The following CADM2 variants were observed in gnomAD, a reference collection of about 807,000 sequenced individuals.
CADM2 encodes the protein cell adhesion molecule 2, also known as immunoglobulin superfamily member 4D.
In CADM2, 12 loss-of-function variants were observed where a neutral mutation model predicts 49.8. The observed-to-expected ratio is 0.24, with a 90% CI of 0.15 to 0.39. CADM2 has a LOEUF of 0.39. CADM2 is among the 10% of genes least tolerant of loss of function. The pLI is 1.00. For synonymous variants in CADM2, 214 were observed against 175.4 expected (o/e 1.22, Z -1.74); for missense variants, 378 against 492.3 (o/e 0.77, Z 2.20).
intron 1 of CADM2, among the ~76,000 whole-genome samples, chr3:85,150,866 A>G (rs1041696317): frequency 6.6e-6 from 1 of 151,732 alleles, no homozygotes; most frequent in African/African-American, 2.4e-5. Flanking sequence ...CTGATATCGC[A>G]CCATTGCACT....
intron 1 of CADM2, among the ~76,000 whole-genome samples, chr3:85,397,994 C>CCTTTTT (rs551053167): frequency 1.0e-3 from 154 of 151,950 alleles, no homozygotes; most frequent in African/African-American, 3.5e-3. Context: ...CATCCAGAAG[C>CCTTTTT]CTTTTTCTTT....
chr3:85,444,506 C>T (rs1194963638), intron 1 of CADM2, among the ~76,000 whole-genome samples: 2 of 151,826 alleles, frequency 1.3e-5, no homozygotes, highest in Non-Finnish European at 2.9e-5. Context: ...GTTCTCTCCA[C>T]ATTTGGAATA....
At chr3:85,403,303 T>TA (rs2035209111) in intron 1 of CADM2, among the ~76,000 whole-genome samples, 1 of 152,074 alleles carries the variant, frequency 6.6e-6, no homozygotes, top group Admixed American at 6.6e-5. Context: ...CGAAATTGAG[T>TA]AAAAAAGTGC....
intron 1 of CADM2, among the ~76,000 whole-genome samples, chr3:85,575,804 A>G (rs2062616592): frequency 1.3e-5 from 2 of 152,186 alleles, no homozygotes; most frequent in Non-Finnish European, 2.9e-5. Context: ...TTACAGATAG[A>G]TTTTAAAAGA....
At chr3:85,502,715 T>A (rs1263758499) in intron 1 of CADM2, among the ~76,000 whole-genome samples, 1 of 152,244 alleles carries the variant, frequency 6.6e-6, no homozygotes, top group East Asian at 1.9e-4. Context: ...ACAAATGTAC[T>A]TGATCACTGT....
At chr3:85,641,684 T>C (rs2064719302) in intron 1 of CADM2, among the ~76,000 whole-genome samples, 1 of 151,598 alleles carries the variant, frequency 6.6e-6, no homozygotes, top group Admixed American at 6.6e-5. Context: ...CCCAGCACTT[T>C]GGGAGGCTGA....
chr3:85,782,362 A>G (rs1373914629), intron 2 of CADM2, among the ~76,000 whole-genome samples: 1 of 152,212 alleles, frequency 6.6e-6, no homozygotes, highest in African/African-American at 2.4e-5. Context: ...GGAAATATAT[A>G]GTTTCAGAGG....
chr3:85,514,235 C>T (rs1452363877), intron 1 of CADM2, among the ~76,000 whole-genome samples: 3 of 152,004 alleles, frequency 2.0e-5, no homozygotes, highest in Non-Finnish European at 4.4e-5. Context: ...CCACATTACA[C>T]AAAGAGTTGT....
chr3:85,176,643 A>C (rs920303464), intron 1 of CADM2, among the ~76,000 whole-genome samples: 1 of 152,158 alleles, frequency 6.6e-6, no homozygotes, highest in Non-Finnish European at 1.5e-5. Flanking sequence ...GATTTTTTCC[A>C]TCCTTTTTAT....
At chr3:85,961,446 A>AC (rs780060198) in intron 7 of CADM2, 23 bp from the exon 8 acceptor site, 5 of 1,540,932 alleles carry the variant, frequency 3.2e-6, no homozygotes, top group Non-Finnish European at 4.4e-6. Flanking sequence ...TTTGCTATCT[A>AC]CATGCATGTT....
chr3:85,464,895 A>C (rs546982138), intron 1 of CADM2, among the ~76,000 whole-genome samples: 117 of 152,306 alleles, frequency 7.7e-4, no homozygotes, highest in African/African-American at 2.3e-3. Context: ...TCACGCCGTA[A>C]TCTCAGCACT....
chr3:85,492,268 TA>T (rs1387799425), intron 1 of CADM2, among the ~76,000 whole-genome samples: 1 of 152,114 alleles, frequency 6.6e-6, no homozygotes, highest in African/African-American at 2.4e-5. Flanking sequence ...TTTTGATCCA[TA>T]AGTAAGGAAA....
At chr3:85,740,440 T>C (rs949878014) in intron 2 of CADM2, among the ~76,000 whole-genome samples, 1 of 152,198 alleles carries the variant, frequency 6.6e-6, no homozygotes, top group Admixed American at 6.5e-5. Context: ...ATGTGACCAC[T>C]ATTTCAACCT....
chr3:85,377,690 G>A (rs6776114), intron 1 of CADM2, among the ~76,000 whole-genome samples: 83,679 of 151,938 alleles, frequency 0.55, 27,618 homozygotes, highest in East Asian at 0.81. Context: ...ACTGACTAAT[G>A]AACATAAGGC....
At chr3:85,621,955 TCGAAG>T (rs2063989698) in intron 1 of CADM2, among the ~76,000 whole-genome samples, 1 of 152,196 alleles carries the variant, frequency 6.6e-6, no homozygotes, top group South Asian at 2.1e-4. Context: ...TTAGGATTTC[TCGAAG>T]GGTTAGTTCA....
intron 1 of CADM2, among the ~76,000 whole-genome samples, chr3:84,979,745 T>TAA (rs1413853995): frequency 3.9e-5 from 6 of 152,164 alleles, no homozygotes; most frequent in African/African-American, 1.4e-4. Context: ...AGATTTTTAT[T>TAA]AAGAAATAAT....
intron 8 of CADM2, among the ~76,000 whole-genome samples, chr3:85,963,508 A>G (rs753697999): frequency 6.6e-6 from 1 of 151,894 alleles, no homozygotes; most frequent in Non-Finnish European, 1.5e-5. Context: ...AGTGTAGTCT[A>G]TCTGATTCAC....
chr3:85,138,633 T>G (rs75170057), intron 1 of CADM2, among the ~76,000 whole-genome samples: 1 of 152,150 alleles, frequency 6.6e-6, no homozygotes, highest in Non-Finnish European at 1.5e-5. Context: ...AACAAAAAAT[T>G]GGGGTGTCAT....
At chr3:85,410,603 A>G (rs2035611593) in intron 1 of CADM2, among the ~76,000 whole-genome samples, 1 of 152,182 alleles carries the variant, frequency 6.6e-6, no homozygotes, top group African/African-American at 2.4e-5. Context: ...AGCTAGTAAA[A>G]TTACATGAGG....
Sources: gnomAD v4.1 joint callset for allele counts (sites outside exome capture counted in the v4.1 genomes callset) on GRCh38, gnomAD v4.1.1 for gene constraint, MANE v1.5 for transcripts, NCBI Gene and HGNC (gene_info 2026-07-23, HGNC 2026-07-21) for gene names.